PRKD1: variants seen among roughly 807,000 people sequenced by gnomAD.
The protein encoded by PRKD1 is protein kinase D1.
A neutral mutation model predicts 95.9 loss-of-function variants in PRKD1; 63 were observed. The observed-to-expected ratio is 0.66, with a 90% CI of 0.54 to 0.81. The LOEUF is 0.81. Among genes scored for constraint, PRKD1 ranks in the 30% least tolerant of loss-of-function variants. The pLI, the probability that PRKD1 is intolerant of heterozygous loss-of-function variation, is 0.00. For missense variants in PRKD1, 1,048 were observed against 1,165.3 expected, an observed-to-expected ratio of 0.90 and a Z score of 1.47; for synonymous variants, 425 against 423.1, an observed-to-expected ratio of 1.00 and a Z score of -0.05.
chr14:29,653,123 T>C (rs993810347), intron 4 of PRKD1, among the ~76,000 whole-genome samples: 6 of 152,168 alleles, frequency 3.9e-5, no homozygotes, highest in African/African-American at 1.4e-4. Flanking sequence ...AGTAAACCTG[T>C]ATGAAAATAA....
chr14:29,927,645 A>G lies in PRKD1; in HGVS notation c.-133T>C. On this transcript the variant is annotated 5_prime_UTR_variant, in exon 1 of 18. Coordinates refer to ENST00000331968, the MANE Select transcript of PRKD1 (RefSeq NM_002742.3). Reference sequence around the variant, plus strand: ...ACGGAAAATAAAAACTTTCCGGAAAAGTCCCTGGGCTGGGGGAGGGCAAGG... The same window carrying G: ...ACGGAAAATAAAAACTTTCCGGAAAGGTCCCTGGGCTGGGGGAGGGCAAGG... 1.6e-6 allele frequency: 1 copy of G among 612,614 alleles called. No homozygotes were observed. Among genetic ancestry groups the G allele is most frequent in the Non-Finnish European group, 2.1e-6 (1 of 487,598 alleles). 37.9% of individuals were successfully genotyped at this position (612,614 alleles called of 1,614,324 possible). A position where few individuals can be genotyped will look rare whatever the true frequency, so the allele number is the denominator to read the frequency against.
At chr14:29,801,297 T>C (rs1890016549) in intron 1 of PRKD1, among the ~76,000 whole-genome samples, 1 of 152,210 alleles carries the variant, frequency 6.6e-6, no homozygotes, top group African/African-American at 2.4e-5. Context: ...TTACTGAATA[T>C]GGATGTTAAC....
intron 13 of PRKD1, among the ~76,000 whole-genome samples, chr14:29,615,394 C>A (rs1878784780): frequency 6.6e-6 from 1 of 152,122 alleles, no homozygotes; most frequent in Admixed American, 6.5e-5. Context: ...TTTTTGAGTT[C>A]AAATGAAGAA....
chr14:29,880,613 A>C (rs1280815992), intron 1 of PRKD1, among the ~76,000 whole-genome samples: 2 of 152,074 alleles, frequency 1.3e-5, no homozygotes, highest in Non-Finnish European at 2.9e-5. Flanking sequence ...ACAGTCTTCC[A>C]GACCCCAGAA....
chr14:29,784,372 CA>C (rs1889177307), intron 1 of PRKD1, among the ~76,000 whole-genome samples: 1 of 152,070 alleles, frequency 6.6e-6, no homozygotes, highest in African/African-American at 2.4e-5. Flanking sequence ...TTTGAGTATT[CA>C]GGGTCTTTTG....
chr14:29,667,062 G>A (rs890097153), intron 2 of PRKD1, among the ~76,000 whole-genome samples: 4 of 152,122 alleles, frequency 2.6e-5, no homozygotes, highest in Admixed American at 6.6e-5. Flanking sequence ...TATCGACAGC[G>A]GAAAGATGAG....
intron 1 of PRKD1, among the ~76,000 whole-genome samples, chr14:29,868,275 A>G (rs1205656982): frequency 2.0e-5 from 3 of 152,214 alleles, no homozygotes; most frequent in Admixed American, 6.5e-5. Context: ...TGCAATCACT[A>G]TAGGAACTGC....
chr14:29,787,986 T>C (rs1201774576), intron 1 of PRKD1, among the ~76,000 whole-genome samples: 1 of 152,166 alleles, frequency 6.6e-6, no homozygotes, highest in East Asian at 1.9e-4. Flanking sequence ...CCTTTCTCTT[T>C]CTCATTTGTG....
At chr14:29,679,680 G>A (rs550514799) in intron 2 of PRKD1, among the ~76,000 whole-genome samples, 256 of 151,564 alleles carry the variant, frequency 1.7e-3, no homozygotes, top group Admixed American at 4.2e-3. Flanking sequence ...GAAAAGGGAG[G>A]GTATAGAGAA....
Position 29,794,862 on chromosome 14 carries a change from A to C in PRKD1, c.265-69188T>G, listed in dbSNP as rs45503500. Reference sequence around the variant, plus strand: ...GTTGTAACCCTCCCAATATTGATAAATTCTTCTAATTTATACTAGCAGCAA... The same window carrying C: ...GTTGTAACCCTCCCAATATTGATAACTTCTTCTAATTTATACTAGCAGCAA... On this transcript the variant is annotated intron_variant, in intron 1 of 17. Transcript: ENST00000331968. Among the ~76,000 whole-genome samples, 1,087 of 152,260 alleles carry C rather than the reference A, an allele frequency of 7.1e-3. 16 individuals carry two copies. Among genetic ancestry groups the C allele is most frequent in the African/African-American group, 0.024 (1,006 of 41,558 alleles).
intron 12 of PRKD1, 116 bp downstream of exon 12, chr14:29,626,368 C>T: frequency 1.2e-6 from 1 of 829,158 alleles, no homozygotes; most frequent in Non-Finnish European, 1.8e-6. Context: ...AAGATACACA[C>T]ACAGAAATAT....
At chr14:29,646,451 G>A (rs2139161457) in intron 4 of PRKD1, among the ~76,000 whole-genome samples, 1 of 152,150 alleles carries the variant, frequency 6.6e-6, no homozygotes, top group Admixed American at 6.5e-5. Flanking sequence ...TTACCCTGAT[G>A]TGACTATTAA....
chr14:29,702,901 G>T (rs1426222469), intron 2 of PRKD1, among the ~76,000 whole-genome samples: 2 of 152,022 alleles, frequency 1.3e-5, no homozygotes, highest in East Asian at 3.9e-4. Context: ...TGATTTGTTT[G>T]TTCTTTTTAA....
rs143984591 is a variant in PRKD1, at chr14:29,585,644, T to C, written c.2435-7284A>G. Among the ~76,000 whole-genome samples the C allele has an allele frequency of 5.4e-3, 816 of 152,316 alleles. 5 individuals carry two copies. The highest frequency in any genetic ancestry group is 0.019 in the African/African-American group (770 of 41,574). On this transcript the variant is annotated intron_variant, in intron 16 of 17. Transcript: ENST00000331968. ...AACTAGGCATATGGTTTGTATATTT[T>C]GGCTAAAAATATTTCTGGATGGTAG...
intron 2 of PRKD1, among the ~76,000 whole-genome samples, chr14:29,712,471 A>T (rs773050363): frequency 5.3e-5 from 8 of 152,174 alleles, no homozygotes; most frequent in Non-Finnish European, 1.2e-4. Context: ...ATTGCTTTAT[A>T]ACATGAAAAA....
At chr14:29,730,764 G>A (rs183406928) in intron 1 of PRKD1, among the ~76,000 whole-genome samples, 412 of 152,180 alleles carry the variant, frequency 2.7e-3, no homozygotes, top group Admixed American at 8.4e-3. Context: ...AATAAGCCAG[G>A]CACATAAAAA....
At chr14:29,833,522 A>G (rs1333857002) in intron 1 of PRKD1, among the ~76,000 whole-genome samples, 1 of 152,130 alleles carries the variant, frequency 6.6e-6, no homozygotes. Flanking sequence ...ATCTGCTGAA[A>G]TAAAAACCAT....
chr14:29,664,964 C>T (rs1174692690), intron 3 of PRKD1, among the ~76,000 whole-genome samples: 1 of 152,170 alleles, frequency 6.6e-6, no homozygotes, highest in Non-Finnish European at 1.5e-5. Context: ...GACTTATTTA[C>T]TAGGCAAATT....
intron 2 of PRKD1, among the ~76,000 whole-genome samples, chr14:29,720,404 T>C (rs989734411): frequency 6.6e-6 from 1 of 152,064 alleles, no homozygotes; most frequent in Non-Finnish European, 1.5e-5. Context: ...TGAAAACAAG[T>C]ATAGAATGCA....
Sources: gnomAD v4.1 joint callset for allele counts (sites outside exome capture counted in the v4.1 genomes callset) on GRCh38, gnomAD v4.1.1 for gene constraint, MANE v1.5 for transcripts, NCBI Gene and HGNC (gene_info 2026-07-23, HGNC 2026-07-21) for gene names.